Variants in VWA3B observed in about 807,000 individuals in gnomAD.
VWA3B encodes the protein von Willebrand factor A domain containing 3B.
VWA3B carries 138 observed loss-of-function variants against 158.3 expected under a neutral mutation model. The observed-to-expected ratio is 0.87, with a 90% confidence interval of 0.76 to 1.00. The LOEUF (loss-of-function observed/expected upper bound fraction) is 1.00. Ranked by LOEUF, VWA3B falls within the 50% of genes least tolerant of loss-of-function variation. The pLI is 0.00. For synonymous variants in VWA3B, 596 were observed against 587.3 expected (o/e 1.01, Z -0.21); for missense variants, 1,555 against 1,565.1 (o/e 0.99, Z 0.11).
chr2:98,234,816 G>T (rs1387955326), intron 17 of VWA3B, 49 bp downstream of exon 17: 1 of 1,612,162 alleles, frequency 6.2e-7, no homozygotes, highest in East Asian at 2.2e-5. Context: ...TTTCCACAGT[G>T]TATCTGTTCC....
At chr2:98,111,116 C>T (rs1261304614) in intron 2 of VWA3B, among the ~76,000 whole-genome samples, 1 of 152,170 alleles carries the variant, frequency 6.6e-6, no homozygotes, top group Admixed American at 6.5e-5. Context: ...CTGCTCCCCC[C>T]ACCTTTTGGA....
intron 5 of VWA3B, among the ~76,000 whole-genome samples, chr2:98,126,033 TG>T (rs1238913787): frequency 6.6e-6 from 1 of 151,320 alleles, no homozygotes. Context: ...TACAGGAGAG[TG>T]GGGGGGATAG....
At chr2:98,129,296 A>C (rs1301834661) in intron 6 of VWA3B, among the ~76,000 whole-genome samples, 1 of 148,808 alleles carries the variant, frequency 6.7e-6, no homozygotes, top group South Asian at 2.1e-4. Flanking sequence ...GAGAGGAGAG[A>C]GAGAGGAGAG....
chr2:98,221,441 G>A (rs190552636), intron 14 of VWA3B, among the ~76,000 whole-genome samples: 96 of 152,292 alleles, frequency 6.3e-4, no homozygotes, highest in East Asian at 2.5e-3. Flanking sequence ...GATTTCAGTG[G>A]TGCCAAACAG....
At chr2:98,152,393 G>T (rs1677710519) in intron 7 of VWA3B, among the ~76,000 whole-genome samples, 1 of 152,212 alleles carries the variant, frequency 6.6e-6, no homozygotes, top group South Asian at 2.1e-4. Flanking sequence ...AACTTTAACT[G>T]CTGGTTAAAG....
intron 8 of VWA3B, among the ~76,000 whole-genome samples, chr2:98,173,898 C>T (rs913788658): frequency 2.0e-5 from 3 of 151,522 alleles, no homozygotes; most frequent in Admixed American, 6.6e-5. Flanking sequence ...ACTCGGGAGG[C>T]GGAGGCTGCA....
rs1216805812 is a variant in VWA3B, at chr2:98,312,575, T to A, written c.*226T>A. 1.9e-6 allele frequency: 1 copy of A among 528,716 alleles called. No homozygotes were observed. The highest frequency in any genetic ancestry group is 3.2e-6 in the Non-Finnish European group (1 of 308,164). The allele number at this position is 528,716 out of a possible 1,614,324, so 32.8% of individuals were successfully genotyped here. On this transcript the variant is annotated 3_prime_UTR_variant, in exon 28 of 28. Transcript: ENST00000477737. ...TTTCTGACTGTTCTTTATCCTGTTTTCCCCCTGCACTCACAAAATTGTATT... is the reference window on the plus strand; with the variant it reads ...TTTCTGACTGTTCTTTATCCTGTTTACCCCCTGCACTCACAAAATTGTATT...
At chr2:98,096,803 CTCTT>C (rs1559529147) in intron 2 of VWA3B, among the ~76,000 whole-genome samples, 5 of 152,044 alleles carry the variant, frequency 3.3e-5, no homozygotes, top group Admixed American at 6.6e-5. Flanking sequence ...TGAGTCTTCT[CTCTT>C]TTTTTCTTAG....
At chr2:98,130,161 GA>G (rs1309009020) in intron 6 of VWA3B, among the ~76,000 whole-genome samples, 1 of 152,200 alleles carries the variant, frequency 6.6e-6, no homozygotes, top group African/African-American at 2.4e-5. Context: ...ACAAGATAAA[GA>G]AAAAAGTGCT....
chr2:98,157,213 T>G (rs1376308882), intron 7 of VWA3B, among the ~76,000 whole-genome samples: 1 of 152,174 alleles, frequency 6.6e-6, no homozygotes, highest in African/African-American at 2.4e-5. Flanking sequence ...GATAACATAA[T>G]GGCTCTTGTG....
At chr2:98,312,128 C>A in intron 27 of VWA3B, 72 bp from the exon 28 acceptor site, 1 of 1,613,848 alleles carries the variant, frequency 6.2e-7, no homozygotes, top group Non-Finnish European at 8.5e-7. Flanking sequence ...CCTTCAGATT[C>A]TGGGCCTGTT....
In VWA3B at chr2:98,250,391, A is replaced by G. The variant is rs747423061; in HGVS notation, c.2747A>G (p.Asn916Ser). Residue 916 changes from asparagine (N) to serine (S), a missense_variant, in exon 20 of 28, where the codon AAT (asparagine) becomes AGT (serine). Transcript: ENST00000477737. ...TLINPQGAKL[N>S]IYKRKVEQAI... ...ATTAACCCCCAAGGAGCCAAACTCA[A>G]TATCTACAAGCGAAAAGTGGAACAG... The G allele has an allele frequency of 3.7e-6, 6 of 1,613,362 alleles. No homozygotes were observed. The highest frequency in any genetic ancestry group is 5.1e-6 in the Non-Finnish European group (6 of 1,179,784).
chr2:98,246,490 G>A (rs1300957169), intron 19 of VWA3B, among the ~76,000 whole-genome samples: 1 of 152,070 alleles, frequency 6.6e-6, no homozygotes, highest in Non-Finnish European at 1.5e-5. Flanking sequence ...CGATTCTCTT[G>A]CCTCAGCCTC....
At chr2:98,276,029 A>T (rs1031420338) in intron 22 of VWA3B, among the ~76,000 whole-genome samples, 1 of 152,162 alleles carries the variant, frequency 6.6e-6, no homozygotes. Flanking sequence ...AGGGGCTAAG[A>T]CTGTCCCCTC....
At chr2:98,277,647 A>G (rs1030712610) in intron 22 of VWA3B, among the ~76,000 whole-genome samples, 1 of 152,212 alleles carries the variant, frequency 6.6e-6, no homozygotes, top group African/African-American at 2.4e-5. Context: ...GCTGGAGCCT[A>G]TGGCCTTCAG....
At chr2:98,172,470 A>T (rs111728025) in intron 8 of VWA3B, among the ~76,000 whole-genome samples, 15 of 152,288 alleles carry the variant, frequency 9.8e-5, no homozygotes, top group African/African-American at 3.4e-4. Flanking sequence ...TCTGCACAGA[A>T]TGGGGGCGTG....
chr2:98,189,282 C>T (rs1369460375), intron 10 of VWA3B, among the ~76,000 whole-genome samples: 1 of 152,158 alleles, frequency 6.6e-6, no homozygotes, highest in Non-Finnish European at 1.5e-5. Flanking sequence ...TGGCGGGCAC[C>T]TGTAGTCCCA....
intron 8 of VWA3B, chr2:98,179,399 A>C: frequency 1.6e-5 from 6 of 386,426 alleles, no homozygotes; most frequent in Non-Finnish European, 2.6e-5. Flanking sequence ...ATGTTTAGGC[A>C]ATTGGCATTG....
chr2:98,289,550 A>G (rs1368065288), intron 22 of VWA3B, among the ~76,000 whole-genome samples: 1 of 152,220 alleles, frequency 6.6e-6, no homozygotes, highest in Non-Finnish European at 1.5e-5. Flanking sequence ...GAATGAGGAT[A>G]ATTAATTTAT....
Sources: allele counts gnomAD v4.1 joint callset (sites outside exome capture counted in the v4.1 genomes callset), GRCh38; gene constraint gnomAD v4.1.1; transcripts MANE v1.5; gene names NCBI Gene and HGNC (gene_info 2026-07-23, HGNC 2026-07-21).